The following CBLIF variants were observed in gnomAD, a reference collection of about 807,000 sequenced individuals.
CBLIF encodes cobalamin binding intrinsic factor, also known as gastric intrinsic factor (vitamin B synthesis).
A neutral mutation model predicts 44.9 loss-of-function variants in CBLIF; 24 were observed. That is an observed-to-expected ratio of 0.53 (90% CI 0.39 to 0.75). The LOEUF is 0.75. CBLIF is among the 30% of genes least tolerant of loss of function. The pLI is 0.00. For missense variants in CBLIF, 481 were observed against 513.0 expected (o/e 0.94, Z 0.60); for synonymous variants, 183 against 190.9 (o/e 0.96, Z 0.34).
In CBLIF at chr11:59,842,458, A is replaced by AG. The variant is rs1261682178; in HGVS notation, c.495dup (p.Ser166LeufsTer52). 1.2e-6 allele frequency: 2 copies of AG among 1,613,554 alleles called. No individual in the cohort carries two copies. The highest frequency in any genetic ancestry group is 2.7e-5 in the African/African-American group (2 of 74,874). ...ACCTACTCACCTACATTGAAGGGAG[A>AG]GGAGTTGGCCAGCAGGGTCTTGGCA... On this transcript the variant is annotated frameshift_variant, in exon 4 of 9. Coordinates refer to ENST00000257248, the MANE Select transcript of CBLIF (RefSeq NM_005142.3). LOFTEE classifies it high-confidence loss of function.
intron 6 of CBLIF, among the ~76,000 whole-genome samples, chr11:59,836,962 T>C (rs1866463434): frequency 6.6e-6 from 1 of 152,208 alleles, no homozygotes; most frequent in South Asian, 2.1e-4. Context: ...TAGGTAAATA[T>C]ATGCTGAATG....
At chr11:59,830,620 G>A (rs971170008) in intron 8 of CBLIF, among the ~76,000 whole-genome samples, 7 of 151,996 alleles carry the variant, frequency 4.6e-5, no homozygotes, top group Non-Finnish European at 8.8e-5. Flanking sequence ...ACATTTCTTG[G>A]GATGAAGGTG....
intron 8 of CBLIF, among the ~76,000 whole-genome samples, chr11:59,829,858 A>G (rs919213403): frequency 2.6e-5 from 4 of 152,256 alleles, no homozygotes; most frequent in African/African-American, 9.6e-5. Flanking sequence ...TATTTTCAAA[A>G]TTAGGAATAA....
Position 59,843,119 on chromosome 11 carries a change from G to T in CBLIF, c.279C>A (p.Gly93=). The change falls in exon 3 of 9, where the codon GGC becomes GGA. Residue 93 remains glycine, a synonymous_variant. Transcript: ENST00000257248. ...DNNDLTIGQL[G]LTIMALTSSC... ...AGGAGGTGAGGGCCATGATGGTGAG[G>T]CCGAGCTGCCCAATGGTTAGATCTG... 1 of 1,612,018 alleles carries T rather than the reference G, an allele frequency of 6.2e-7. No homozygotes were observed. The highest frequency in any genetic ancestry group is 8.5e-7 in the Non-Finnish European group (1 of 1,178,100).
At chr11:59,842,327 A>T in intron 4 of CBLIF, 116 bp downstream of exon 4, 4 of 1,160,874 alleles carry the variant, frequency 3.4e-6, no homozygotes, top group Non-Finnish European at 5.2e-6. Context: ...AGGCACGTTC[A>T]CATCCTTAGC....
intron 5 of CBLIF, 32 bp downstream of exon 5, chr11:59,841,110 GA>G (rs774113200): frequency 7.1e-6 from 11 of 1,543,386 alleles, no homozygotes; most frequent in Non-Finnish European, 9.9e-6. Flanking sequence ...TTATTGGCAG[GA>G]ACCCAACCAA....
Position 59,835,981 on chromosome 11 carries a change from G to C in CBLIF, c.900C>G (p.Ser300Arg). The C allele has an allele frequency of 6.2e-7, 1 of 1,614,156 alleles. No individual in the cohort carries two copies. The highest frequency in any genetic ancestry group is 8.5e-7 in the Non-Finnish European group (1 of 1,179,970). ...PDHEVQPTLPSNPGPGPTSAS... is the reference protein window; with the variant it reads ...PDHEVQPTLPRNPGPGPTSAS... ...CAGAGGTGGGGCCAGGGCCAGGGTT[G>C]CTGGGTAGAGTTGGTTGTACCTCAT... Residue 300 changes from serine to arginine, a missense_variant, in exon 7 of 9, where the codon AGC becomes AGG. Transcript: ENST00000257248.
chr11:59,833,933 A>G (rs1001924823), intron 7 of CBLIF, among the ~76,000 whole-genome samples: 3 of 152,234 alleles, frequency 2.0e-5, no homozygotes, highest in Admixed American at 6.5e-5. Flanking sequence ...CATGGAAAGA[A>G]CATGAGCATC....
rs1866559723 is a variant in CBLIF at position 59,843,149 on chromosome 11, G to C, written c.257-8C>G. The C allele has an allele frequency of 1.9e-6, 3 of 1,554,702 alleles. No individual in the cohort carries two copies. Among genetic ancestry groups the C allele is most frequent in the Non-Finnish European group, 2.7e-6 (3 of 1,126,066 alleles). On this transcript the variant is annotated splice_region_variant and splice_polypyrimidine_tract_variant and intron_variant, in intron 2 of 8. Transcript: ENST00000257248. ...GCTGCCCAATGGTTAGATCTGCAGA[G>C]AAGAGAACACAACGGTTAGACAGAG...
intron 4 of CBLIF, among the ~76,000 whole-genome samples, chr11:59,841,728 CAA>C (rs1375724119): frequency 2.0e-5 from 3 of 152,110 alleles, no homozygotes; most frequent in African/African-American, 4.8e-5. Context: ...GAAACTGAAA[CAA>C]GAGAGGTTGC....
chr11:59,843,041 G>A lies in CBLIF; in HGVS notation c.357C>T (p.Asn119=), dbSNP rs753141980. 7 of 1,598,604 alleles carry A rather than the reference G, an allele frequency of 4.4e-6. No homozygotes were observed. Among genetic ancestry groups the A allele is most frequent in the African/African-American group, 1.3e-5 (1 of 74,534 alleles). Reference sequence around the variant, plus strand: ...GTCAGGTCTTACTGGAAGGTGCCCAGTTCTCCATTTGTCTTTGTAGAATGG... The same window carrying A: ...GTCAGGTCTTACTGGAAGGTGCCCAATTCTCCATTTGTCTTTGTAGAATGG... ...KVSILQRQME[N]WAPSSPNAEA... is the part of the protein sequence containing the mutation. Residue 119 remains asparagine (N), a synonymous_variant, in exon 3 of 9, where the codon AAC becomes AAT. Transcript: ENST00000257248.
intron 7 of CBLIF, among the ~76,000 whole-genome samples, chr11:59,832,195 G>T (rs1438493522): frequency 6.6e-6 from 1 of 152,080 alleles, no homozygotes; most frequent in African/African-American, 2.4e-5. Flanking sequence ...ATGGATGGAG[G>T]CCATTATCCT....
At chr11:59,845,347 G>A (rs757864002) in intron 1 of CBLIF, 28 bp downstream of exon 1, 13 of 1,608,074 alleles carry the variant, frequency 8.1e-6, no homozygotes, top group African/African-American at 2.7e-5. Flanking sequence ...CTGCTTCCCT[G>A]ACCTCCTTGG....
At chr11:59,833,872 A>G (rs771803781) in intron 7 of CBLIF, among the ~76,000 whole-genome samples, 10 of 152,112 alleles carry the variant, frequency 6.6e-5, no homozygotes, top group Non-Finnish European at 1.3e-4. Context: ...CCTAAAAGTT[A>G]ATTTTCTCCT....
At chr11:59,833,473 C>T (rs899924030) in intron 7 of CBLIF, among the ~76,000 whole-genome samples, 3 of 151,108 alleles carry the variant, frequency 2.0e-5, no homozygotes, top group Non-Finnish European at 2.9e-5. Flanking sequence ...GCCGAGATCG[C>T]GCCATTGCAT....
rs948390332 is a variant in CBLIF, at chr11:59,844,132, C to A, written c.80-77G>T. On this transcript the variant is annotated intron_variant, in intron 1 of 8. Transcript: ENST00000257248. ...AAACATTATCCCCGTGTCTTTGATG[C>A]TTTTTCTTTCTTTCTTTTTTTTTTG... 110 of 1,145,844 alleles carry A rather than the reference C, an allele frequency of 9.6e-5. No individual in the cohort carries two copies. The African/African-American group carries it at 1.4e-3, about 15-fold the overall frequency. The allele number at this position is 1,145,844 out of a possible 1,614,324, so 71.0% of individuals were successfully genotyped here. A position where few individuals can be genotyped will look rare whatever the true frequency, so the allele number is the denominator to read the frequency against.
At chr11:59,840,699 T>C (rs1360122655) in intron 5 of CBLIF, among the ~76,000 whole-genome samples, 1 of 152,132 alleles carries the variant, frequency 6.6e-6, no homozygotes, top group African/African-American at 2.4e-5. Flanking sequence ...AAACTTGCTA[T>C]TTTTAGATCA....
At chr11:59,837,980 A>G (rs1301905262) in intron 5 of CBLIF, among the ~76,000 whole-genome samples, 2 of 152,204 alleles carry the variant, frequency 1.3e-5, no homozygotes, top group Non-Finnish European at 2.9e-5. Context: ...GTAAGCTGCT[A>G]GTGACCATCT....
At chr11:59,838,591 T>C (rs1429259030) in intron 5 of CBLIF, among the ~76,000 whole-genome samples, 2 of 152,182 alleles carry the variant, frequency 1.3e-5, no homozygotes, top group East Asian at 3.9e-4. Context: ...AACCTCAGCA[T>C]CTATGAAGCA....
Sources: allele counts gnomAD v4.1 joint callset (sites outside exome capture counted in the v4.1 genomes callset), GRCh38; gene constraint gnomAD v4.1.1; transcripts MANE v1.5; gene names NCBI Gene and HGNC (gene_info 2026-07-23, HGNC 2026-07-21).